Variants in TENM1 observed in about 807,000 individuals in gnomAD.
TENM1 encodes the protein teneurin transmembrane protein 1, also known as teneurin-1.
TENM1 carries 35 observed loss-of-function variants against 174.8 expected under a neutral mutation model. That is an observed-to-expected ratio of 0.20 (90% CI 0.15 to 0.27). The LOEUF is 0.27. Ranked by LOEUF, TENM1 falls within the 10% of genes least tolerant of loss-of-function variation. TENM1 has a pLI of 1.00. For synonymous variants in TENM1, 781 were observed against 798.7 expected (o/e 0.98, Z 0.37); for missense variants, 1,633 against 2,130.1 (o/e 0.77, Z 4.59).
chrX:124,915,731 G>A (rs2057911635), intron 1 of TENM1, among the ~76,000 whole-genome samples: 1 of 55,240 alleles, frequency 1.8e-5, no homozygotes, highest in African/African-American at 7.2e-5. Context: ...GAGGACTGAT[G>A]ATTGCATGAG....
chrX:124,555,304 G>A (rs767246038), intron 14 of TENM1, among the ~76,000 whole-genome samples: 133 of 111,378 alleles, frequency 1.2e-3, no homozygotes, highest in African/African-American at 4.2e-3. Flanking sequence ...CTCATGTGAG[G>A]CCTCTCTCAC....
chrX:124,596,847 T>C (rs1284900818), intron 11 of TENM1, among the ~76,000 whole-genome samples: 1 of 110,798 alleles, frequency 9.0e-6, no homozygotes, highest in Non-Finnish European at 1.9e-5. Flanking sequence ...TAGAAAGATC[T>C]CTTTGGATAT....
intron 21 of TENM1, among the ~76,000 whole-genome samples, chrX:124,482,275 C>T (rs1277001545): frequency 9.1e-6 from 1 of 110,430 alleles, no homozygotes; most frequent in Non-Finnish European, 1.9e-5. Flanking sequence ...CTCAGTTATC[C>T]AATTACCTAC....
chrX:125,096,930 C>A, the TENM1 span, among the ~76,000 whole-genome samples: 2 of 110,578 alleles, frequency 1.8e-5, no homozygotes, highest in Non-Finnish European at 3.8e-5. Context: ...TTCAAAAGGG[C>A]TGATTTTTCA....
chrX:124,631,918 GTT>G (rs758718265), intron 11 of TENM1, among the ~76,000 whole-genome samples: 3 of 83,158 alleles, frequency 3.6e-5, no homozygotes, highest in East Asian at 3.7e-4. Flanking sequence ...AATCCATACA[GTT>G]TTTTTTTTTT....
At chrX:124,390,327 T>G (rs12840220) in intron 28 of TENM1, among the ~76,000 whole-genome samples, 1,355 of 112,566 alleles carry the variant, frequency 0.012, 11 homozygotes, top group Middle Eastern at 0.023. Flanking sequence ...ATTGTGCAGA[T>G]AGTCTAAAGG....
At chrX:125,054,109 G>T in the TENM1 span, among the ~76,000 whole-genome samples, 7 of 111,476 alleles carry the variant, frequency 6.3e-5, no homozygotes, top group Non-Finnish European at 1.1e-4. Context: ...TCACAGGGTA[G>T]GCCCAAGATC....
At position 124,715,758 on chromosome X, in the gene TENM1, G is replaced by A. The variant is rs190213612; in HGVS notation, c.777-10507C>T. Among the ~76,000 whole-genome samples, 732 of 109,409 alleles carry A rather than the reference G, an allele frequency of 6.7e-3. 3 individuals are homozygous for A. Among genetic ancestry groups the A allele is most frequent in the African/African-American group, 0.023 (684 of 30,035 alleles). ...CAACCTCCACCTCCCGGGTTCAAGC[G>A]TTTCTCCTGCCTCAGACTCCCGTTC... is the stretch of plus-strand genomic sequence containing the variant. On this transcript the variant is annotated intron_variant, in intron 4 of 31. Coordinates refer to ENST00000422452, the Ensembl canonical transcript of TENM1.
chrX:124,570,293 T>A (rs1165689417), intron 11 of TENM1, among the ~76,000 whole-genome samples: 1 of 111,201 alleles, frequency 9.0e-6, no homozygotes, highest in African/African-American at 3.3e-5. Context: ...AAATTGCCAA[T>A]CTTAAATAAA....
intron 1 of TENM1, among the ~76,000 whole-genome samples, chrX:124,932,392 A>G (rs1382982296): frequency 1.8e-5 from 2 of 112,400 alleles, no homozygotes; most frequent in Non-Finnish European, 3.8e-5. Context: ...TAGGTATTGC[A>G]AGGAATTCAA....
At chrX:124,707,526 G>A (rs2052938925) in intron 4 of TENM1, among the ~76,000 whole-genome samples, 1 of 110,694 alleles carries the variant, frequency 9.0e-6, no homozygotes, top group African/African-American at 3.3e-5. Flanking sequence ...TGGACCCAAC[G>A]TGGTGCGGGA....
At chrX:125,198,157 C>A in the TENM1 span, among the ~76,000 whole-genome samples, 1 of 111,916 alleles carries the variant, frequency 8.9e-6, no homozygotes, top group Non-Finnish European at 1.9e-5. Flanking sequence ...TTAAAACAAC[C>A]AGTATGCTTT....
chrX:124,486,663 G>A (rs1482113971), intron 21 of TENM1, among the ~76,000 whole-genome samples: 2 of 111,967 alleles, frequency 1.8e-5, no homozygotes, highest in African/African-American at 6.5e-5. Flanking sequence ...TCAGAGCTAT[G>A]TACCATTGTC....
chrX:125,096,731 G>A, the TENM1 span, among the ~76,000 whole-genome samples: 1 of 110,727 alleles, frequency 9.0e-6, no homozygotes, highest in African/African-American at 3.3e-5. Context: ...ATGAGTGTTG[G>A]TCTAAATGAC....
chrX:124,816,105 A>G (rs188072328), intron 3 of TENM1, among the ~76,000 whole-genome samples: 6 of 112,173 alleles, frequency 5.3e-5, no homozygotes, highest in Admixed American at 9.5e-5. Context: ...AATATATTCA[A>G]GAGATGATCA....
At chrX:124,994,642 A>G in the TENM1 span, among the ~76,000 whole-genome samples, 2,259 of 110,434 alleles carry the variant, frequency 0.02, 74 homozygotes, top group African/African-American at 0.07. Flanking sequence ...GTTATCCTTG[A>G]CAGTGCCCTC....
chrX:124,402,723 GT>G (rs1189497416), intron 27 of TENM1, among the ~76,000 whole-genome samples: 1 of 111,529 alleles, frequency 9.0e-6, no homozygotes, highest in African/African-American at 3.3e-5. Context: ...GGTTCAGAAA[GT>G]TTTTTTGAGG....
At chrX:125,109,400 G>A in the TENM1 span, among the ~76,000 whole-genome samples, 1 of 110,417 alleles carries the variant, frequency 9.1e-6, no homozygotes, top group Non-Finnish European at 1.9e-5. Flanking sequence ...TCGGGGGTAC[G>A]TGTGCAGGAT....
At chrX:124,765,971 A>C (rs1206713167) in intron 3 of TENM1, among the ~76,000 whole-genome samples, 2 of 112,188 alleles carry the variant, frequency 1.8e-5, no homozygotes, top group African/African-American at 6.5e-5. Flanking sequence ...TAAAAGGTTC[A>C]CGAAAGTCAC....
Sources: allele counts gnomAD v4.1 joint callset (sites outside exome capture counted in the v4.1 genomes callset), GRCh38; gene constraint gnomAD v4.1.1; transcripts MANE v1.5; gene names NCBI Gene and HGNC (gene_info 2026-07-23, HGNC 2026-07-21).